Variants in LRRC4C observed in about 807,000 individuals in gnomAD.
The protein encoded by LRRC4C is leucine-rich repeat-containing protein 4C.
Under a neutral mutation model 33.6 loss-of-function variants are expected in LRRC4C, and 5 were observed. That is an observed-to-expected ratio of 0.15 (90% CI 0.08 to 0.31). The LOEUF (loss-of-function observed/expected upper bound fraction) is 0.31, where lower values mean the gene tolerates loss of function less well. Ranked by LOEUF, LRRC4C falls within the 10% of genes least tolerant of loss-of-function variation. The pLI is 1.00. For missense variants in LRRC4C, 560 were observed against 796.7 expected (o/e 0.70, Z 3.58); for synonymous variants, 329 against 302.0 (o/e 1.09, Z -0.93).
At chr11:41,330,085 C>G (rs1292476562) in intron 1 of LRRC4C, among the ~76,000 whole-genome samples, 6 of 152,166 alleles carry the variant, frequency 3.9e-5, no homozygotes, top group African/African-American at 1.4e-4. Context: ...CAAATTGTAT[C>G]CATGCAATCA....
chr11:41,317,831 T>G (rs1177735906), intron 1 of LRRC4C, among the ~76,000 whole-genome samples: 2 of 152,118 alleles, frequency 1.3e-5, no homozygotes, highest in Non-Finnish European at 2.9e-5. Context: ...TTGAAAGCTT[T>G]AACAATATAT....
chr11:40,998,584 G>A (rs1854144938), intron 1 of LRRC4C, among the ~76,000 whole-genome samples: 4 of 152,038 alleles, frequency 2.6e-5, no homozygotes, highest in Admixed American at 2.6e-4. Flanking sequence ...GTCCTGATTA[G>A]GCCTATGACT....
At chr11:41,306,672 G>A (rs1050952944) in intron 1 of LRRC4C, among the ~76,000 whole-genome samples, 6 of 152,190 alleles carry the variant, frequency 3.9e-5, no homozygotes, top group Non-Finnish European at 7.3e-5. Flanking sequence ...TATGAAAGAA[G>A]AAGCACAGGG....
chr11:40,487,552 G>T, intron 3 of LRRC4C, among the ~76,000 whole-genome samples: 1 of 151,944 alleles, frequency 6.6e-6, no homozygotes, highest in East Asian at 1.9e-4. Context: ...AGAGTAGAGA[G>T]AAAAAAATTC....
chr11:40,587,400 A>G (rs1958807584), intron 3 of LRRC4C, among the ~76,000 whole-genome samples: 1 of 148,152 alleles, frequency 6.7e-6, no homozygotes, highest in African/African-American at 2.5e-5. Flanking sequence ...TTTTCTAGAT[A>G]TACAATCATG....
At chr11:41,312,060 T>A (rs550235338) in intron 1 of LRRC4C, among the ~76,000 whole-genome samples, 1 of 152,346 alleles carries the variant, frequency 6.6e-6, no homozygotes, top group East Asian at 1.9e-4. Flanking sequence ...AGTTGACAGA[T>A]GAATCCCTAT....
chr11:41,025,863 T>A (rs1175214431), intron 1 of LRRC4C, among the ~76,000 whole-genome samples: 2 of 151,728 alleles, frequency 1.3e-5, no homozygotes, highest in Non-Finnish European at 3.0e-5. Context: ...AACCACATAG[T>A]CTGGAAGATA....
chr11:40,471,086 G>A (rs1952909133), intron 3 of LRRC4C, among the ~76,000 whole-genome samples: 1 of 152,144 alleles, frequency 6.6e-6, no homozygotes, highest in Non-Finnish European at 1.5e-5. Context: ...ATAATTGTCA[G>A]GTTCACCAAG....
At chr11:40,351,676 A>G (rs1360964598) in intron 3 of LRRC4C, 1 of 152,046 alleles carries the variant, frequency 6.6e-6, no homozygotes, top group Non-Finnish European at 1.5e-5. Flanking sequence ...CTCTTAACAA[A>G]ATATATTTTG....
At chr11:40,268,817 T>C (rs1942473400) in intron 4 of LRRC4C, among the ~76,000 whole-genome samples, 1 of 152,098 alleles carries the variant, frequency 6.6e-6, no homozygotes, top group Non-Finnish European at 1.5e-5. Context: ...AGTCTGAAAA[T>C]GCAGGTTGGG....
intron 3 of LRRC4C, among the ~76,000 whole-genome samples, chr11:40,546,415 A>G (rs1356988078): frequency 6.6e-6 from 1 of 152,012 alleles, no homozygotes. Context: ...CCTCTGAAAG[A>G]CAGTTTCATC....
intron 3 of LRRC4C, among the ~76,000 whole-genome samples, chr11:40,449,984 G>T (rs753118762): frequency 2.0e-5 from 3 of 152,094 alleles, no homozygotes; most frequent in Non-Finnish European, 2.9e-5. Flanking sequence ...AATAAAGTCT[G>T]GTTAATTATC....
intron 3 of LRRC4C, among the ~76,000 whole-genome samples, chr11:40,348,759 A>G (rs1304008537): frequency 6.6e-6 from 1 of 152,232 alleles, no homozygotes; most frequent in Non-Finnish European, 1.5e-5. Flanking sequence ...TTTTAAAAAT[A>G]TAGTTTCTTA....
chr11:40,539,598 T>A (rs1456206887), intron 3 of LRRC4C, among the ~76,000 whole-genome samples: 2 of 152,126 alleles, frequency 1.3e-5, no homozygotes, highest in Non-Finnish European at 2.9e-5. Context: ...ATGGGGATAG[T>A]TGCAAAAGTC....
chr11:40,160,241 A>G (rs1859046973), intron 5 of LRRC4C, among the ~76,000 whole-genome samples: 1 of 151,798 alleles, frequency 6.6e-6, no homozygotes, highest in South Asian at 2.1e-4. Flanking sequence ...TGTGGGTGGT[A>G]TTACATCCTG....
chr11:40,449,392 C>T (rs1951789979), intron 3 of LRRC4C, among the ~76,000 whole-genome samples: 1 of 151,744 alleles, frequency 6.6e-6, no homozygotes, highest in Admixed American at 6.6e-5. Context: ...CTCCAGATCC[C>T]ACGGATACCT....
chr11:41,374,421 A>G (rs572293194), intron 1 of LRRC4C, among the ~76,000 whole-genome samples: 10 of 152,336 alleles, frequency 6.6e-5, no homozygotes, highest in Middle Eastern at 3.4e-3. Context: ...TACTCAGACA[A>G]TGAATCTAAC....
At chr11:40,847,848 G>T in intron 2 of LRRC4C, among the ~76,000 whole-genome samples, 1 of 147,130 alleles carries the variant, frequency 6.8e-6, no homozygotes, top group East Asian at 2.0e-4. Context: ...CTTGTTATTG[G>T]TCTATTCAGG....
intron 1 of LRRC4C, among the ~76,000 whole-genome samples, chr11:41,211,773 T>C (rs1946833448): frequency 2.0e-5 from 3 of 152,176 alleles, no homozygotes; most frequent in Admixed American, 1.3e-4. Context: ...CTATTGTGAG[T>C]AGAGCCGCAA....
Sources: gnomAD v4.1 joint callset for allele counts (sites outside exome capture counted in the v4.1 genomes callset) on GRCh38, gnomAD v4.1.1 for gene constraint, MANE v1.5 for transcripts, NCBI Gene and HGNC (gene_info 2026-07-23, HGNC 2026-07-21) for gene names.